Variants in HMCN1 observed in about 807,000 individuals in gnomAD.
HMCN1 encodes hemicentin-1.
In HMCN1, 321 loss-of-function variants were observed where a neutral mutation model predicts 625.9. The ratio of observed to expected loss-of-function variants is 0.51; its 90% confidence interval spans 0.47 to 0.56. The LOEUF (loss-of-function observed/expected upper bound fraction) is 0.56, where lower values mean the gene tolerates loss of function less well. HMCN1 is among the 20% of genes least tolerant of loss of function. The probability of loss-of-function intolerance (pLI) is 0.00; values close to 1 mark genes in which losing one functional copy is unlikely to be tolerated. For missense variants in HMCN1, 6,588 were observed against 6,887.3 expected (o/e 0.96, Z 1.54); for synonymous variants, 2,425 against 2,417.6 (o/e 1.00, Z -0.09).
At chr1:185,741,450 A>G (rs1653988251) in intron 1 of HMCN1, among the ~76,000 whole-genome samples, 1 of 152,164 alleles carries the variant, frequency 6.6e-6, no homozygotes, top group South Asian at 2.1e-4. Flanking sequence ...TTTAAGTTCA[A>G]GGGGAGATGT....
intron 1 of HMCN1, among the ~76,000 whole-genome samples, chr1:185,765,716 G>C (rs1407404490): frequency 6.6e-6 from 1 of 152,168 alleles, no homozygotes; most frequent in South Asian, 2.1e-4. Context: ...GTAGGGCAAT[G>C]GTTCTCAAAA....
At chr1:185,819,172 G>C (rs1040994365) in intron 1 of HMCN1, among the ~76,000 whole-genome samples, 1 of 151,384 alleles carries the variant, frequency 6.6e-6, no homozygotes, top group African/African-American at 2.4e-5. Flanking sequence ...AGAAGGCAGA[G>C]GTTGCAGTGA....
Position 186,123,000 on chromosome 1 carries a change from C to T in HMCN1, c.12279C>T (p.Asp4093=), listed in dbSNP as rs1661468086. The part of the protein sequence containing the change: ...PHLKEYVIAV[D]KPITLSCEAD... The stretch of plus-strand genomic sequence containing the variant: ...TAAAGGAATATGTTATTGCTGTGGA[C>T]AAGCCCATCACGTTATCCTGTGAAG... The change falls in exon 81 of 107, where the codon GAC becomes GAT. Residue 4093 remains aspartate (D), a synonymous_variant. Transcript: ENST00000271588. The T allele has an allele frequency of 6.2e-7, 1 of 1,613,998 alleles. No homozygotes were observed. Among genetic ancestry groups the T allele is most frequent in the Admixed American group, 1.7e-5 (1 of 59,998 alleles).
intron 11 of HMCN1, among the ~76,000 whole-genome samples, chr1:185,959,475 T>A (rs1325065208): frequency 2.0e-5 from 3 of 152,186 alleles, no homozygotes; most frequent in Non-Finnish European, 4.4e-5. Flanking sequence ...TTATATTTAA[T>A]TCTTCTAAAT....
chr1:185,992,899 A>T (rs1652527316), intron 22 of HMCN1, among the ~76,000 whole-genome samples: 1 of 152,180 alleles, frequency 6.6e-6, no homozygotes, highest in East Asian at 1.9e-4. Context: ...AGTTAACTCA[A>T]ATATACATTT....
intron 4 of HMCN1, among the ~76,000 whole-genome samples, chr1:185,881,358 G>A (rs1354793418): frequency 6.6e-6 from 1 of 152,204 alleles, no homozygotes; most frequent in African/African-American, 2.4e-5. Flanking sequence ...CTGAAGTCCA[G>A]CCATCTCTGG....
intron 1 of HMCN1, among the ~76,000 whole-genome samples, chr1:185,763,291 G>A: frequency 6.6e-6 from 1 of 152,034 alleles, no homozygotes; most frequent in East Asian, 1.9e-4. Context: ...TTAGAACAAG[G>A]GAAAATTCCA....
intron 52 of HMCN1, among the ~76,000 whole-genome samples, 163 bp downstream of exon 52, chr1:186,070,920 C>A (rs995518569): frequency 6.6e-6 from 1 of 151,818 alleles, no homozygotes; most frequent in Non-Finnish European, 1.5e-5. Flanking sequence ...AAAAACCCAA[C>A]CAACCTGAAG....
chr1:186,183,058 T>C (rs1025251595), intron 105 of HMCN1, among the ~76,000 whole-genome samples: 8 of 152,222 alleles, frequency 5.3e-5, no homozygotes, highest in Non-Finnish European at 1.0e-4. Flanking sequence ...CTAAAAATCT[T>C]CTAAGAAACC....
intron 4 of HMCN1, among the ~76,000 whole-genome samples, chr1:185,871,575 G>A (rs1205417919): frequency 6.6e-6 from 1 of 152,156 alleles, no homozygotes; most frequent in Non-Finnish European, 1.5e-5. Context: ...AATAGGCAGA[G>A]GAAAGTTGAG....
intron 2 of HMCN1, among the ~76,000 whole-genome samples, chr1:185,848,438 A>G (rs1010195158): frequency 1.3e-5 from 2 of 151,812 alleles, no homozygotes; most frequent in Non-Finnish European, 2.9e-5. Context: ...AGGAAACTTC[A>G]TTTCCTTCCA....
At chr1:185,887,456 C>T (rs185937925) in intron 4 of HMCN1, among the ~76,000 whole-genome samples, 4 of 148,722 alleles carry the variant, frequency 2.7e-5, no homozygotes, top group African/African-American at 7.4e-5. Flanking sequence ...ATCCCTCCCC[C>T]CTCCCCGCAC....
intron 14 of HMCN1, among the ~76,000 whole-genome samples, chr1:185,969,691 T>C (rs540321547): frequency 4.6e-5 from 7 of 152,224 alleles, no homozygotes; most frequent in South Asian, 4.2e-4. Context: ...TGTCACCCTT[T>C]ACAAAAACAA....
intron 4 of HMCN1, among the ~76,000 whole-genome samples, chr1:185,887,667 A>G (rs887703041): frequency 2.8e-5 from 4 of 145,212 alleles, no homozygotes; most frequent in Non-Finnish European, 4.5e-5. Flanking sequence ...ATAGTATTCC[A>G]TGGTGTATAT....
At chr1:186,034,375 G>A (rs547757462) in intron 36 of HMCN1, among the ~76,000 whole-genome samples, 1 of 152,206 alleles carries the variant, frequency 6.6e-6, no homozygotes, top group East Asian at 1.9e-4. Context: ...CCAAGTTTGA[G>A]GTAATTTGTT....
chr1:186,093,765 C>T (rs1253557357), intron 66 of HMCN1, 96 bp downstream of exon 66: 8 of 1,531,520 alleles, frequency 5.2e-6, no homozygotes, highest in Non-Finnish European at 7.2e-6. Context: ...ATGTTTTTTT[C>T]TAAGCCTTTA....
intron 24 of HMCN1, 31 bp downstream of exon 24, chr1:185,995,118 G>A: frequency 1.2e-6 from 2 of 1,604,502 alleles, no homozygotes; most frequent in African/African-American, 1.3e-5. Flanking sequence ...ATATATGTAT[G>A]TAGGGTGGGG....
At chr1:185,920,987 A>G (rs1330059654) in intron 6 of HMCN1, among the ~76,000 whole-genome samples, 1 of 152,216 alleles carries the variant, frequency 6.6e-6, no homozygotes, top group Non-Finnish European at 1.5e-5. Context: ...CATTATCTAA[A>G]GAAATTGACA....
intron 36 of HMCN1, among the ~76,000 whole-genome samples, chr1:186,031,650 T>A (rs992591556): frequency 1.3e-5 from 2 of 152,126 alleles, no homozygotes; most frequent in Non-Finnish European, 2.9e-5. Context: ...TTATGTTTGA[T>A]GGTGTTTCCA....
Sources: gnomAD v4.1 joint callset for allele counts (sites outside exome capture counted in the v4.1 genomes callset) on GRCh38, gnomAD v4.1.1 for gene constraint, MANE v1.5 for transcripts, NCBI Gene and HGNC (gene_info 2026-07-23, HGNC 2026-07-21) for gene names.